Variants in DMD observed in about 807,000 individuals in gnomAD.
DMD encodes the protein dystrophin, also known as mutant dystrophin.
Under a neutral mutation model 330.1 loss-of-function variants are expected in DMD, and 63 were observed. The observed-to-expected ratio is 0.19, with a 90% CI of 0.16 to 0.24. DMD has a LOEUF of 0.24. DMD is among the 10% of genes least tolerant of loss of function. The pLI is 1.00. For missense variants in DMD, 3,344 were observed against 2,684.1 expected (o/e 1.25, Z -5.43); for synonymous variants, 1,223 against 959.8 (o/e 1.27, Z -5.07).
intron 7 of DMD, among the ~76,000 whole-genome samples, chrX:32,726,617 A>T (rs1234032122): frequency 1.8e-5 from 2 of 111,295 alleles, no homozygotes; most frequent in African/African-American, 6.5e-5. Flanking sequence ...AATTTAACAG[A>T]TCACCTTTAA....
Position 31,843,188 on chromosome X carries a change from G to A in DMD, c.7099-6369C>T, listed in dbSNP as rs5971599. On this transcript the variant is annotated intron_variant, in intron 48 of 78. Coordinates refer to ENST00000357033, the MANE Select transcript of DMD (RefSeq NM_004006.3). Reference sequence around the variant, plus strand: ...ATAGTGCTGCAGTGAACATACAAGTGCATGTGTCTTTTTGGTAGAATGATT... The same window carrying A: ...ATAGTGCTGCAGTGAACATACAAGTACATGTGTCTTTTTGGTAGAATGATT... 1.7e-3 allele frequency among the ~76,000 whole-genome samples: 191 copies of A among 111,821 alleles called. 1 individual carries two copies. The highest frequency in any genetic ancestry group is 9.2e-3 in the Middle Eastern group (2 of 217).
At chrX:32,348,213 T>TC (rs1569559188) in intron 38 of DMD, among the ~76,000 whole-genome samples, 193 bp downstream of exon 38, 3 of 111,420 alleles carry the variant, frequency 2.7e-5, no homozygotes, top group African/African-American at 9.7e-5. Flanking sequence ...CCGTAAGTGC[T>TC]CCTATATTAC....
chrX:32,012,046 A>G (rs2095713059), intron 44 of DMD, among the ~76,000 whole-genome samples: 1 of 112,116 alleles, frequency 8.9e-6, no homozygotes, highest in South Asian at 3.7e-4. Context: ...TTCAACTTTC[A>G]TTATCTTCTT....
intron 2 of DMD, among the ~76,000 whole-genome samples, chrX:32,981,181 A>G (rs2092699151): frequency 1.8e-5 from 2 of 111,804 alleles, no homozygotes; most frequent in Admixed American, 9.6e-5. Context: ...ATATACATTA[A>G]CAGTTTTTGT....
At chrX:32,117,455 C>A (rs1049253131) in intron 44 of DMD, among the ~76,000 whole-genome samples, 6 of 112,044 alleles carry the variant, frequency 5.4e-5, no homozygotes, top group Non-Finnish European at 7.5e-5. Flanking sequence ...GAAGGACAAG[C>A]CTCCCTAGTT....
At chrX:32,541,464 T>C (rs2048473185) in intron 17 of DMD, among the ~76,000 whole-genome samples, 1 of 112,360 alleles carries the variant, frequency 8.9e-6, no homozygotes, top group African/African-American at 3.2e-5. Flanking sequence ...CTCATGACAG[T>C]TGTTTTATAA....
chrX:32,321,685 T>A (rs904829170), intron 41 of DMD, among the ~76,000 whole-genome samples: 20 of 111,850 alleles, frequency 1.8e-4, no homozygotes, highest in African/African-American at 6.2e-4. Context: ...CAACAAAACT[T>A]CCAGTATCCA....
Position 32,132,993 on chromosome X carries a change from C to CTTTTTTTTTTTTT in DMD, c.6438+83910_6438+83922dup, listed in dbSNP as rs377615262. ...TCTCATTGATCACTCCTTTTCTTTT[C>CTTTTTTTTTTTTT]TTTTTTTTTTTTTTTTTTTTTTTTT... On this transcript the variant is annotated intron_variant, in intron 44 of 78. Transcript: ENST00000357033. 4.3e-4 allele frequency among the ~76,000 whole-genome samples: 33 copies of CTTTTTTTTTTTTT among 75,947 alleles called. 1 individual carries two copies. The highest frequency in any genetic ancestry group is 1.1e-3 in the African/African-American group (16 of 14,533). 66.0% of individuals were successfully genotyped at this position (75,947 alleles called of 115,157 possible).
intron 2 of DMD, among the ~76,000 whole-genome samples, chrX:33,018,765 A>G (rs2093854729): frequency 8.9e-6 from 1 of 111,866 alleles, no homozygotes; most frequent in South Asian, 3.7e-4. Context: ...CAGTATATAC[A>G]GCAATTAAAC....
intron 43 of DMD, among the ~76,000 whole-genome samples, chrX:32,247,697 T>C (rs2148134287): frequency 9.0e-6 from 1 of 111,676 alleles, no homozygotes; most frequent in South Asian, 3.7e-4. Flanking sequence ...TGTTAGACAG[T>C]CCTGCTTTGG....
intron 6 of DMD, among the ~76,000 whole-genome samples, chrX:32,815,445 C>T (rs1484903146): frequency 2.0e-5 from 2 of 99,502 alleles, no homozygotes; most frequent in East Asian, 6.3e-4. Flanking sequence ...AACAGGAAGA[C>T]CAAAATAAAG....
intron 3 of DMD, among the ~76,000 whole-genome samples, chrX:32,847,896 T>C (rs2080821307): frequency 8.9e-6 from 1 of 112,230 alleles, no homozygotes; most frequent in Non-Finnish European, 1.9e-5. Flanking sequence ...AAATTAGTGG[T>C]TTTTTCTTTA....
intron 54 of DMD, among the ~76,000 whole-genome samples, chrX:31,643,002 G>A (rs2079862433): frequency 9.0e-6 from 1 of 111,718 alleles, no homozygotes; most frequent in African/African-American, 3.3e-5. Context: ...GGAATCATTA[G>A]TTCCCCCAAG....
intron 50 of DMD, among the ~76,000 whole-genome samples, chrX:31,783,824 A>G (rs1458216015): frequency 1.8e-5 from 2 of 111,745 alleles, no homozygotes; most frequent in East Asian, 5.6e-4. Flanking sequence ...AAGAGGAACC[A>G]TTAGTGCAAT....
chrX:32,548,855 C>T (rs987692976), intron 16 of DMD, among the ~76,000 whole-genome samples: 3 of 111,234 alleles, frequency 2.7e-5, no homozygotes, highest in Non-Finnish European at 5.7e-5. Flanking sequence ...AAACTTCAAG[C>T]ATGATAAGAA....
intron 44 of DMD, among the ~76,000 whole-genome samples, chrX:31,997,929 T>C (rs1170248072): frequency 8.9e-6 from 1 of 111,799 alleles, no homozygotes. Flanking sequence ...CGAGTATCTT[T>C]CTCCAAAGAG....
chrX:31,208,290 C>T (rs983953678), intron 65 of DMD, among the ~76,000 whole-genome samples: 1 of 111,639 alleles, frequency 9.0e-6, no homozygotes, highest in Non-Finnish European at 1.9e-5. Context: ...TTATCTTTCT[C>T]CCTCTTAAGA....
intron 44 of DMD, among the ~76,000 whole-genome samples, chrX:32,086,516 T>G (rs1666614234): frequency 9.0e-6 from 1 of 111,358 alleles, no homozygotes; most frequent in Non-Finnish European, 1.9e-5. Flanking sequence ...ACTGAATACA[T>G]TAATTGGCAT....
At chrX:31,813,441 A>G (rs1449122580) in intron 50 of DMD, among the ~76,000 whole-genome samples, 1 of 111,353 alleles carries the variant, frequency 9.0e-6, no homozygotes, top group African/African-American at 3.3e-5. Context: ...CTGATAGTGA[A>G]TAAGTCTCAT....
Sources: gnomAD v4.1 joint callset for allele counts (sites outside exome capture counted in the v4.1 genomes callset) on GRCh38, gnomAD v4.1.1 for gene constraint, MANE v1.5 for transcripts, NCBI Gene and HGNC (gene_info 2026-07-23, HGNC 2026-07-21) for gene names.